The following NPAS3 variants were observed in gnomAD, a reference collection of about 807,000 sequenced individuals.
NPAS3 encodes the protein neuronal PAS domain protein 3, also known as neuronal PAS domain-containing protein 3.
Under a neutral mutation model 73.1 loss-of-function variants are expected in NPAS3, and 14 were observed. The observed-to-expected ratio is 0.19, with a 90% CI of 0.13 to 0.30. NPAS3 has a LOEUF of 0.30. NPAS3 is among the 10% of genes least tolerant of loss of function. The probability of loss-of-function intolerance (pLI) is 1.00; values close to 1 mark genes in which losing one functional copy is unlikely to be tolerated. For synonymous variants in NPAS3, 620 were observed against 541.5 expected (o/e 1.14, Z -2.01); for missense variants, 1,096 against 1,250.0 (o/e 0.88, Z 1.86).
chr14:33,038,144 A>G (rs1027091902), intron 1 of NPAS3, among the ~76,000 whole-genome samples: 6 of 152,094 alleles, frequency 3.9e-5, no homozygotes, highest in African/African-American at 7.2e-5. Context: ...TTCCCTCTCC[A>G]TTTTTCCCCC....
chr14:33,502,653 A>G (rs2052573647), intron 4 of NPAS3, among the ~76,000 whole-genome samples: 2 of 151,854 alleles, frequency 1.3e-5, no homozygotes, highest in African/African-American at 4.8e-5. Flanking sequence ...TTCTTCTTCA[A>G]CGTAATCTTC....
intron 3 of NPAS3, among the ~76,000 whole-genome samples, chr14:33,220,990 A>G (rs1420975205): frequency 1.3e-5 from 2 of 152,226 alleles, no homozygotes; most frequent in African/African-American, 2.4e-5. Flanking sequence ...TCTAAGTGGC[A>G]CACAACAACA....
intron 5 of NPAS3, among the ~76,000 whole-genome samples, chr14:33,567,388 T>G (rs1445187543): frequency 1.3e-5 from 2 of 152,210 alleles, no homozygotes; most frequent in African/African-American, 4.8e-5. Flanking sequence ...GCATTTTAAT[T>G]TAATGTTGGA....
Position 33,800,310 on chromosome 14 carries a change from C to A in NPAS3, c.2003C>A (p.Pro668Gln). The change falls in exon 12 of 12, where the codon CCG (proline) becomes CAG (glutamine). Residue 668 changes from proline (P) to glutamine (Q), a missense_variant. By Grantham distance (76) the Pro-to-Gln change is moderately conservative (BLOSUM62 -1). This residue lies in a region of NPAS3 where 698 missense variants were observed against 676.7 expected (regional missense o/e 1.03). Transcript: ENST00000356141. This position sits in a 1 kb window ranked among gnomAD's most constrained non-coding sequence, Gnocchi z 6.5. ...AATGACAGCAGCATCTGGAACTACC[C>A]GCCCAACCGGGAGATCTCCAGGAAC... 1 of 1,613,426 alleles carries A rather than the reference C, an allele frequency of 6.2e-7. No homozygotes were observed. Among genetic ancestry groups the A allele is most frequent in the South Asian group, 1.1e-5 (1 of 91,066 alleles).
At chr14:33,297,839 C>G (rs2042366267) in intron 3 of NPAS3, among the ~76,000 whole-genome samples, 1 of 152,192 alleles carries the variant, frequency 6.6e-6, no homozygotes, top group African/African-American at 2.4e-5. Flanking sequence ...TGTTATTTAA[C>G]ATCACAGCGA....
intron 6 of NPAS3, among the ~76,000 whole-genome samples, chr14:33,719,299 G>A (rs145558119): frequency 0.017 from 2,606 of 152,118 alleles, 61 homozygotes; most frequent in African/African-American, 0.06. Context: ...GCAGATTATC[G>A]AGCATTGCAA....
At chr14:33,404,030 G>T (rs766253606) in intron 4 of NPAS3, among the ~76,000 whole-genome samples, 1 of 152,190 alleles carries the variant, frequency 6.6e-6, no homozygotes. Context: ...CAGTAATCGT[G>T]ATGCACAGCG....
chr14:33,125,113 ATCT>A (rs2043378345), intron 2 of NPAS3, among the ~76,000 whole-genome samples: 1 of 152,114 alleles, frequency 6.6e-6, no homozygotes, highest in African/African-American at 2.4e-5. Context: ...AGGGACTTTT[ATCT>A]TCTTCTTTGA....
At chr14:33,734,633 C>T (rs1021817260) in intron 6 of NPAS3, among the ~76,000 whole-genome samples, 3 of 152,122 alleles carry the variant, frequency 2.0e-5, no homozygotes, top group African/African-American at 4.8e-5. Flanking sequence ...TCTGTCTATA[C>T]ATCCCATTCT....
intron 2 of NPAS3, among the ~76,000 whole-genome samples, chr14:33,070,674 A>G (rs2041455556): frequency 6.6e-6 from 1 of 152,194 alleles, no homozygotes; most frequent in Non-Finnish European, 1.5e-5. Flanking sequence ...CAGAGCACCA[A>G]GCTGCTGGTT....
chr14:33,040,688 G>A (rs2040321498), intron 1 of NPAS3, among the ~76,000 whole-genome samples: 3 of 152,140 alleles, frequency 2.0e-5, no homozygotes, highest in African/African-American at 7.2e-5. Context: ...CCAAGGTTGT[G>A]TTCTTAACCC....
At chr14:33,287,356 CTT>C (rs2041919008) in intron 3 of NPAS3, among the ~76,000 whole-genome samples, 1 of 152,152 alleles carries the variant, frequency 6.6e-6, no homozygotes, top group Non-Finnish European at 1.5e-5. Context: ...AGTCTACAGA[CTT>C]TTCTGTGATT....
intron 2 of NPAS3, among the ~76,000 whole-genome samples, chr14:33,205,117 C>G (rs1424161800): frequency 5.3e-5 from 8 of 152,066 alleles, no homozygotes; most frequent in Admixed American, 5.2e-4. Context: ...AATAAACAAT[C>G]TTAATATTTT....
intron 3 of NPAS3, among the ~76,000 whole-genome samples, chr14:33,254,553 G>T (rs183332810): frequency 3.9e-5 from 6 of 152,058 alleles, no homozygotes; most frequent in Non-Finnish European, 5.9e-5. Context: ...CAAAGCCTAC[G>T]GTAGTGCCTG....
At chr14:33,026,280 A>T (rs1258111427) in intron 1 of NPAS3, among the ~76,000 whole-genome samples, 1 of 152,170 alleles carries the variant, frequency 6.6e-6, no homozygotes, top group African/African-American at 2.4e-5. Flanking sequence ...CAGATACCTC[A>T]AGTTTGGTTT....
In NPAS3 at chr14:33,170,934, TAAC is replaced by T. The variant is rs1336915214; in HGVS notation, c.141-44243_141-44241del. ...TTCTCCCATGAATCAAACATGTTCT[TAAC>T]AACATCCAAAATGGTGAATCCTTTC... On this transcript the variant is annotated intron_variant, in intron 2 of 11. Transcript: ENST00000356141. Among the ~76,000 whole-genome samples, 6 of 152,384 alleles carry T rather than the reference TAAC, an allele frequency of 3.9e-5. No homozygotes were observed. The East Asian group carries it at 9.6e-4, about 24-fold the overall frequency.
upstream of NPAS3, among the ~76,000 whole-genome samples, chr14:32,938,636 C>A (rs1227512598): frequency 1.3e-5 from 2 of 151,736 alleles, no homozygotes; most frequent in African/African-American, 4.8e-5. Flanking sequence ...GCGTGTCCTC[C>A]CCCTTCCCGC....
chr14:33,438,527 A>G (rs2049092935), intron 4 of NPAS3, among the ~76,000 whole-genome samples: 1 of 152,222 alleles, frequency 6.6e-6, no homozygotes, highest in African/African-American at 2.4e-5. Flanking sequence ...AGGGTATTAC[A>G]GGGTTGTAGA....
chr14:33,488,722 T>C (rs2051737552), intron 4 of NPAS3, among the ~76,000 whole-genome samples: 2 of 152,160 alleles, frequency 1.3e-5, no homozygotes, highest in Admixed American at 1.3e-4. Context: ...GCTGGAAAGC[T>C]GGGTGGAGAG....
Sources: allele counts gnomAD v4.1 joint callset (sites outside exome capture counted in the v4.1 genomes callset), GRCh38; gene constraint gnomAD v4.1.1; regional missense constraint gnomAD v4.1.1; non-coding constraint Gnocchi (gnomAD v3.1); transcripts MANE v1.5; gene names NCBI Gene and HGNC (gene_info 2026-07-23, HGNC 2026-07-21).